Variants in TSHZ2 observed in about 807,000 individuals in gnomAD.
The protein encoded by TSHZ2 is teashirt zinc finger homeobox 2.
TSHZ2 carries 21 observed loss-of-function variants against 74.4 expected under a neutral mutation model. The observed-to-expected ratio is 0.28, with a 90% CI of 0.20 to 0.41. The LOEUF is 0.41. Among genes scored for constraint, TSHZ2 ranks in the 10% least tolerant of loss-of-function variants. The pLI is 1.00. For missense variants in TSHZ2, 1,244 were observed against 1,293.5 expected (o/e 0.96, Z 0.59); for synonymous variants, 540 against 515.3 (o/e 1.05, Z -0.65).
chr20:53,243,773 C>A (rs1990128511), intron 1 of TSHZ2, among the ~76,000 whole-genome samples: 1 of 152,026 alleles, frequency 6.6e-6, no homozygotes, highest in African/African-American at 2.4e-5. Flanking sequence ...TCTGATAGTG[C>A]CAATGTAGCT....
intron 2 of TSHZ2, among the ~76,000 whole-genome samples, chr20:53,359,898 G>A (rs1206228474): frequency 6.6e-6 from 1 of 152,200 alleles, no homozygotes. Context: ...TCTTATTAGT[G>A]CATTGGTCAG....
intron 2 of TSHZ2, among the ~76,000 whole-genome samples, chr20:53,477,841 A>T (rs1278437264): frequency 6.7e-6 from 1 of 150,334 alleles, no homozygotes; most frequent in East Asian, 2.0e-4. Flanking sequence ...CCCATCAAAA[A>T]GTGGGCGAAG....
chr20:52,973,367 G>C, intron 1 of TSHZ2, 34 bp downstream of exon 1: 1 of 1,549,406 alleles, frequency 6.5e-7, no homozygotes, highest in Non-Finnish European at 8.7e-7. Context: ...GGGCTGCCCT[G>C]TGCGCCGAGC....
chr20:53,178,569 A>G (rs1419932865), intron 1 of TSHZ2: 1 of 152,214 alleles, frequency 6.6e-6, no homozygotes, highest in South Asian at 2.1e-4. Context: ...ACCCTCGCAT[A>G]TTAAATGTAC....
rs150123654 is a variant in TSHZ2 at position 53,205,632 on chromosome 20, T to C, written c.41-47867T>C. Among the ~76,000 whole-genome samples, 1,288 of 152,292 alleles carry C rather than the reference T, an allele frequency of 8.5e-3. 28 individuals carry two copies. Among genetic ancestry groups the C allele is most frequent in the African/African-American group, 0.03 (1,228 of 41,566 alleles). The stretch of plus-strand genomic sequence containing the variant: ...CTACAGGTTTTTCCTAGACATGAGA[T>C]CCGAGCATATTTACCTGAACCTGAT... On this transcript the variant is annotated intron_variant, in intron 1 of 2. Transcript: ENST00000371497.
At chr20:53,380,557 T>G (rs1981820710) in intron 2 of TSHZ2, among the ~76,000 whole-genome samples, 1 of 152,056 alleles carries the variant, frequency 6.6e-6, no homozygotes, top group Admixed American at 6.5e-5. Flanking sequence ...TAACACACAA[T>G]GCAAAAAGGA....
intron 1 of TSHZ2, among the ~76,000 whole-genome samples, chr20:52,975,929 G>A (rs187970723): frequency 5.0e-4 from 76 of 152,258 alleles, no homozygotes; most frequent in Middle Eastern, 3.4e-3. Flanking sequence ...TAAACACAAT[G>A]CACAACTGTA....
At chr20:53,113,485 C>T (rs1220954238) in intron 1 of TSHZ2, among the ~76,000 whole-genome samples, 1 of 152,118 alleles carries the variant, frequency 6.6e-6, no homozygotes, top group East Asian at 1.9e-4. Context: ...ACGTATCTAA[C>T]ATTTACCTGA....
rs547446813 is a variant in TSHZ2, at chr20:53,198,063, G to A, written c.41-55436G>A. The A allele has an allele frequency of 2.0e-5, 3 of 152,264 alleles. No individual in the cohort carries two copies. In the South Asian group the frequency reaches 6.2e-4, roughly 32 times the overall value. 9.4% of individuals were successfully genotyped at this position (152,264 alleles called of 1,614,324 possible). ...TTGAATATGTCCAAAGGACATGAAA[G>A]TTAACATTAGAAAAAAAAATAGGAG... On this transcript the variant is annotated intron_variant, in intron 1 of 2. Transcript: ENST00000371497.
At chr20:53,024,781 A>G (rs922850300) in intron 1 of TSHZ2, among the ~76,000 whole-genome samples, 7 of 152,144 alleles carry the variant, frequency 4.6e-5, no homozygotes, top group Non-Finnish European at 1.0e-4. Flanking sequence ...TTTGCTGAGA[A>G]TGATGGTTTC....
intron 2 of TSHZ2, among the ~76,000 whole-genome samples, chr20:53,314,566 G>A (rs748163912): frequency 1.3e-5 from 2 of 150,562 alleles, no homozygotes; most frequent in Non-Finnish European, 2.9e-5. Flanking sequence ...TCCTCCACCT[G>A]ATTGCTCTCC....
intron 2 of TSHZ2, among the ~76,000 whole-genome samples, chr20:53,396,361 C>G (rs1291726206): frequency 6.6e-6 from 1 of 152,162 alleles, no homozygotes; most frequent in Non-Finnish European, 1.5e-5. Context: ...CTGACAATGA[C>G]CCTGAAAGAG....
chr20:53,022,864 G>A (rs542666883), intron 1 of TSHZ2, among the ~76,000 whole-genome samples: 1 of 152,284 alleles, frequency 6.6e-6, no homozygotes, highest in African/African-American at 2.4e-5. Flanking sequence ...TCGCTGCTCT[G>A]ACTACGTCTT....
At chr20:53,029,462 G>C (rs1983559117) in intron 1 of TSHZ2, among the ~76,000 whole-genome samples, 1 of 152,192 alleles carries the variant, frequency 6.6e-6, no homozygotes, top group African/African-American at 2.4e-5. Flanking sequence ...GATTATCTGA[G>C]GTCAGGAGTT....
intron 2 of TSHZ2, among the ~76,000 whole-genome samples, chr20:53,377,715 TA>T (rs1237442814): frequency 1.3e-5 from 2 of 151,832 alleles, no homozygotes; most frequent in African/African-American, 4.8e-5. Context: ...TACAAAAAAT[TA>T]GCTGGGCATG....
chr20:53,133,003 C>G (rs1987147497), intron 1 of TSHZ2, among the ~76,000 whole-genome samples: 1 of 152,126 alleles, frequency 6.6e-6, no homozygotes, highest in Admixed American at 6.6e-5. Context: ...TCTTTTCTCT[C>G]CCTGCTAGCA....
chr20:53,433,576 GACACACAGACACACACAC>G (rs1983921477), intron 2 of TSHZ2, among the ~76,000 whole-genome samples: 6 of 76,700 alleles, frequency 7.8e-5, no homozygotes, highest in South Asian at 4.4e-4. Flanking sequence ...CAGACACACA[GACACACAGACACACACAC>G]ACACACACAC....
intron 1 of TSHZ2, among the ~76,000 whole-genome samples, chr20:53,135,337 T>A (rs1474539448): frequency 1.3e-5 from 2 of 152,158 alleles, no homozygotes; most frequent in African/African-American, 2.4e-5. Flanking sequence ...AACCTTTGAT[T>A]TGTTCTCCAT....
chr20:52,989,583 C>T (rs1300007340), intron 1 of TSHZ2, among the ~76,000 whole-genome samples: 1 of 152,176 alleles, frequency 6.6e-6, no homozygotes, highest in Non-Finnish European at 1.5e-5. Flanking sequence ...AAGGAGAGTT[C>T]TTACTTCCAT....
Sources: allele counts gnomAD v4.1 joint callset (sites outside exome capture counted in the v4.1 genomes callset), GRCh38; gene constraint gnomAD v4.1.1; transcripts MANE v1.5; gene names NCBI Gene and HGNC (gene_info 2026-07-23, HGNC 2026-07-21).